AMOT: variants seen among roughly 807,000 people sequenced by gnomAD.
The protein encoded by AMOT is angiomotin.
Under a neutral mutation model 67.0 loss-of-function variants are expected in AMOT, and 11 were observed. The observed-to-expected ratio is 0.16, with a 90% CI of 0.10 to 0.27. The LOEUF is 0.27. Among genes scored for constraint, AMOT ranks in the 10% least tolerant of loss-of-function variants. The pLI, the probability that AMOT is intolerant of heterozygous loss-of-function variation, is 1.00. For synonymous variants in AMOT, 326 were observed against 321.4 expected, an observed-to-expected ratio of 1.01 and a Z score of -0.15; for missense variants, 753 against 852.0, an observed-to-expected ratio of 0.88 and a Z score of 1.45.
intron 4 of AMOT, among the ~76,000 whole-genome samples, chrX:112,821,630 C>T (rs1426473287): frequency 9.0e-6 from 1 of 111,283 alleles, no homozygotes; most frequent in Non-Finnish European, 1.9e-5. Flanking sequence ...TGACAGGCAA[C>T]TAATAAATTC....
chrX:112,799,721 T>TA (rs898251099), intron 8 of AMOT, among the ~76,000 whole-genome samples: 5 of 109,750 alleles, frequency 4.6e-5, no homozygotes, highest in South Asian at 7.8e-4. Context: ...AATTGAAGAG[T>TA]AAAAAAAACC....
intron 10 of AMOT, among the ~76,000 whole-genome samples, chrX:112,785,717 C>G (rs1280455106): frequency 8.9e-6 from 1 of 111,994 alleles, no homozygotes; most frequent in South Asian, 3.7e-4. Flanking sequence ...GCAGACCAGT[C>G]AGCAAGGTGA....
At chrX:112,825,522 G>A (rs181468428) in intron 2 of AMOT, among the ~76,000 whole-genome samples, 18 of 111,551 alleles carry the variant, frequency 1.6e-4, no homozygotes, top group East Asian at 8.6e-4. Flanking sequence ...AGTTGGAATG[G>A]TGGATGATGA....
intron 8 of AMOT, among the ~76,000 whole-genome samples, chrX:112,804,625 T>C (rs1031537121): frequency 8.9e-6 from 1 of 112,031 alleles, no homozygotes; most frequent in African/African-American, 3.2e-5. Flanking sequence ...TATTTATATA[T>C]CTGTCATAGG....
intron 10 of AMOT, among the ~76,000 whole-genome samples, chrX:112,787,539 G>A (rs1271403719): frequency 1.8e-5 from 2 of 111,879 alleles, no homozygotes; most frequent in African/African-American, 6.5e-5. Flanking sequence ...AAATTCAAGG[G>A]CACAAGAACA....
chrX:112,795,290 TACACAC>T (rs1933772484), intron 8 of AMOT, among the ~76,000 whole-genome samples: 1 of 107,902 alleles, frequency 9.3e-6, no homozygotes, highest in Admixed American at 9.9e-5. Context: ...GTATGTCACA[TACACAC>T]AGATATACAT....
At chrX:112,819,531 C>T (rs1934659889) in intron 4 of AMOT, 1 of 304,313 alleles carries the variant, frequency 3.3e-6, no homozygotes, top group African/African-American at 2.9e-5. Context: ...GAGGTGGCTG[C>T]TTTATAAACA....
chrX:112,795,250 G>C (rs7066824), intron 8 of AMOT, among the ~76,000 whole-genome samples: 3,939 of 85,994 alleles, frequency 0.046, 80 homozygotes, highest in Non-Finnish European at 0.05. Flanking sequence ...CTCTCTCTCT[G>C]TGTGTGTGTG....
intron 10 of AMOT, among the ~76,000 whole-genome samples, chrX:112,785,505 A>T: frequency 8.9e-6 from 1 of 112,264 alleles, no homozygotes; most frequent in East Asian, 2.8e-4. Context: ...CTAGTCCTTA[A>T]CTGTAGGAAA....
At chrX:112,797,590 G>GC (rs1222421165) in intron 8 of AMOT, among the ~76,000 whole-genome samples, 3 of 111,835 alleles carry the variant, frequency 2.7e-5, no homozygotes. Context: ...GGACCAGCCT[G>GC]CCCAACATGG....
At chrX:112,803,489 T>C (rs1934077194) in intron 8 of AMOT, among the ~76,000 whole-genome samples, 1 of 112,194 alleles carries the variant, frequency 8.9e-6, no homozygotes, top group Non-Finnish European at 1.9e-5. Flanking sequence ...TCTTCCTCAT[T>C]TTCTGTTGAG....
chrX:112,827,235 C>T (rs1215522347), intron 2 of AMOT, among the ~76,000 whole-genome samples: 2 of 112,597 alleles, frequency 1.8e-5, no homozygotes, highest in African/African-American at 3.2e-5. Flanking sequence ...CACCCTCCTC[C>T]TGCCATCTTT....
chrX:112,786,105 A>G (rs1457988023), intron 10 of AMOT, among the ~76,000 whole-genome samples: 1 of 111,899 alleles, frequency 8.9e-6, no homozygotes, highest in Non-Finnish European at 1.9e-5. Context: ...TGCTATTATT[A>G]CTGAGAAGCT....
At chrX:112,816,535 G>T (rs1291892684) in intron 4 of AMOT, among the ~76,000 whole-genome samples, 1 of 112,311 alleles carries the variant, frequency 8.9e-6, no homozygotes, top group Non-Finnish European at 1.9e-5. Flanking sequence ...AAGACTTGAA[G>T]AGGGTTACAA....
chrX:112,800,017 G>C (rs1340416628), intron 8 of AMOT, among the ~76,000 whole-genome samples: 1 of 111,488 alleles, frequency 9.0e-6, no homozygotes, highest in African/African-American at 3.3e-5. Context: ...TGGATCACTT[G>C]AAGTCAGGAG....
chrX:112,813,386 C>G (rs745868796), intron 5 of AMOT, among the ~76,000 whole-genome samples: 25 of 111,126 alleles, frequency 2.2e-4, no homozygotes, highest in Non-Finnish European at 4.2e-4. Context: ...ACTTATTCCC[C>G]TCATGAGCCT....
intron 7 of AMOT, among the ~76,000 whole-genome samples, chrX:112,808,703 A>G (rs900094532): frequency 1.8e-5 from 2 of 112,077 alleles, no homozygotes; most frequent in Non-Finnish European, 3.8e-5. Flanking sequence ...CTGATCCAGA[A>G]CAAAGAATCT....
Position 112,823,133 on chromosome X carries a change from T to C in AMOT, c.-7A>G. On this transcript the variant is annotated 5_prime_UTR_variant, in exon 4 of 14. Coordinates refer to ENST00000371959, the MANE Select transcript of AMOT (RefSeq NM_001113490.2). Reference sequence around the variant, plus strand: ...GTTCTTCAGAATTTCTCATCTCTATTGCTGGTGGTGCCTTGTGAAGAGAGA... The same window carrying C: ...GTTCTTCAGAATTTCTCATCTCTATCGCTGGTGGTGCCTTGTGAAGAGAGA... 8.7e-7 allele frequency: 1 copy of C among 1,146,777 alleles called. No homozygotes were observed. The highest frequency in any genetic ancestry group is 1.2e-6 in the Non-Finnish European group (1 of 860,588). 94.5% of individuals were successfully genotyped at this position (1,146,777 alleles called of 1,213,427 possible).
At chrX:112,778,972 C>T (rs1426374036) in intron 13 of AMOT, 25 bp downstream of exon 13, 6 of 1,193,679 alleles carry the variant, frequency 5.0e-6, no homozygotes, top group Non-Finnish European at 6.8e-6. Flanking sequence ...TAAACCAAAA[C>T]CTACCTGCTA....
Sources: gnomAD v4.1 joint callset for allele counts (sites outside exome capture counted in the v4.1 genomes callset) on GRCh38, gnomAD v4.1.1 for gene constraint, MANE v1.5 for transcripts, NCBI Gene and HGNC (gene_info 2026-07-23, HGNC 2026-07-21) for gene names.